The following ZFPM2 variants were observed in gnomAD, a reference collection of about 807,000 sequenced individuals.
ZFPM2 encodes the protein zinc finger protein, FOG family member 2.
ZFPM2 carries 20 observed loss-of-function variants against 98.6 expected under a neutral mutation model. The ratio of observed to expected loss-of-function variants is 0.20; its 90% CI spans 0.14 to 0.29. ZFPM2 has a LOEUF of 0.29. Ranked by LOEUF, ZFPM2 falls within the 10% of genes least tolerant of loss-of-function variation. ZFPM2 has a pLI of 1.00. For synonymous variants in ZFPM2, 518 were observed against 502.7 expected (o/e 1.03, Z -0.41); for missense variants, 1,310 against 1,388.6 (o/e 0.94, Z 0.90).
intron 4 of ZFPM2, among the ~76,000 whole-genome samples, chr8:105,582,995 G>A (rs1815636245): frequency 6.6e-6 from 1 of 152,122 alleles, no homozygotes; most frequent in Non-Finnish European, 1.5e-5. Flanking sequence ...TGGTTAATTT[G>A]TTATTAAGAA....
intron 5 of ZFPM2, among the ~76,000 whole-genome samples, chr8:105,736,061 C>T (rs548271419): frequency 8.0e-4 from 122 of 151,854 alleles, no homozygotes; most frequent in African/African-American, 2.7e-3. Flanking sequence ...CTTTTTATTG[C>T]GATAGTATTA....
chr8:105,590,349 G>A (rs1474767139), intron 4 of ZFPM2, among the ~76,000 whole-genome samples: 2 of 152,148 alleles, frequency 1.3e-5, no homozygotes, highest in African/African-American at 4.8e-5. Context: ...GACCTGTGGA[G>A]GATAATAACC....
At chr8:105,678,613 A>C (rs111333028) in intron 5 of ZFPM2, 1 of 152,316 alleles carries the variant, frequency 6.6e-6, no homozygotes, top group African/African-American at 2.4e-5. Context: ...GCTGCTGTGT[A>C]CTAAGTCTGA....
intron 2 of ZFPM2, among the ~76,000 whole-genome samples, chr8:105,435,515 C>G (rs575454499): frequency 6.6e-6 from 1 of 152,070 alleles, no homozygotes; most frequent in African/African-American, 2.4e-5. Flanking sequence ...CATCTTTTTT[C>G]TGTCTTCCTT....
intron 1 of ZFPM2, among the ~76,000 whole-genome samples, chr8:105,412,207 G>C (rs1217106013): frequency 6.6e-6 from 1 of 151,644 alleles, no homozygotes; most frequent in East Asian, 1.9e-4. Flanking sequence ...AATAAGACCT[G>C]ACCCCTTCCC....
intron 5 of ZFPM2, among the ~76,000 whole-genome samples, chr8:105,758,999 A>G (rs1352096611): frequency 6.6e-6 from 1 of 152,032 alleles, no homozygotes; most frequent in Admixed American, 6.6e-5. Flanking sequence ...GGCTAGTTGG[A>G]GTTTAGGTAG....
intron 3 of ZFPM2, among the ~76,000 whole-genome samples, chr8:105,466,102 G>T (rs534407573): frequency 1.8e-4 from 27 of 152,000 alleles, no homozygotes; most frequent in African/African-American, 6.3e-4. Context: ...TAACTTCGTG[G>T]CTTTTCTTAG....
chr8:105,698,329 C>A (rs1373252578), intron 5 of ZFPM2, among the ~76,000 whole-genome samples: 1 of 152,154 alleles, frequency 6.6e-6, no homozygotes, highest in African/African-American at 2.4e-5. Flanking sequence ...GAAGGGGTAT[C>A]ATCCATGGTG....
chr8:105,539,523 G>T lies in ZFPM2; in HGVS notation c.302-21840G>T, dbSNP rs78079832. 5.3e-3 allele frequency among the ~76,000 whole-genome samples: 804 copies of T among 152,260 alleles called. 12 individuals are homozygous for T. The highest frequency in any genetic ancestry group is 0.019 in the African/African-American group (775 of 41,554). ...CAGTGCCTACACATCTTGGAAAAAAGTAATGCTTTGCCTGAGACGTATTTA... is the reference window on the plus strand; with the variant it reads ...CAGTGCCTACACATCTTGGAAAAAATTAATGCTTTGCCTGAGACGTATTTA... On this transcript the variant is annotated intron_variant, in intron 3 of 7. Transcript: ENST00000407775.
At chr8:105,715,533 C>A (rs1447846535) in intron 5 of ZFPM2, among the ~76,000 whole-genome samples, 2 of 151,446 alleles carry the variant, frequency 1.3e-5, no homozygotes, top group Non-Finnish European at 2.9e-5. Flanking sequence ...AAATTATGTG[C>A]TACATATAAT....
chr8:105,459,915 A>G (rs6984505), intron 3 of ZFPM2, among the ~76,000 whole-genome samples: 2,937 of 152,244 alleles, frequency 0.019, 97 homozygotes, highest in African/African-American at 0.065. Context: ...GAAAAAGACA[A>G]CAAGGGAAGA....
At chr8:105,598,236 C>T (rs75755985) in intron 4 of ZFPM2, among the ~76,000 whole-genome samples, 83 of 152,098 alleles carry the variant, frequency 5.5e-4, no homozygotes, top group African/African-American at 2.0e-3. Flanking sequence ...TGGGAAGGAC[C>T]GCCTTTGGGA....
intron 5 of ZFPM2, among the ~76,000 whole-genome samples, chr8:105,735,321 C>A (rs1438554887): frequency 2.0e-5 from 3 of 151,318 alleles, no homozygotes; most frequent in Non-Finnish European, 3.0e-5. Flanking sequence ...GGACCTAATT[C>A]TCTAGAGGGT....
chr8:105,767,425 C>CA (rs749121470), intron 5 of ZFPM2, among the ~76,000 whole-genome samples: 12 of 151,980 alleles, frequency 7.9e-5, no homozygotes, highest in Non-Finnish European at 1.6e-4. Flanking sequence ...GATTAAAATA[C>CA]AATCTATAAT....
chr8:105,455,726 C>G (rs1812575921), intron 3 of ZFPM2, among the ~76,000 whole-genome samples: 2 of 152,206 alleles, frequency 1.3e-5, no homozygotes, highest in South Asian at 2.1e-4. Flanking sequence ...TTATATGTGG[C>G]TTTCTCTATG....
intron 3 of ZFPM2, among the ~76,000 whole-genome samples, chr8:105,543,303 C>T (rs1330344512): frequency 3.3e-5 from 5 of 152,022 alleles, no homozygotes; most frequent in East Asian, 3.9e-4. Flanking sequence ...CTGGGCAACA[C>T]GGTGAAACTC....
intron 3 of ZFPM2, among the ~76,000 whole-genome samples, chr8:105,560,338 C>T (rs1179555672): frequency 2.0e-5 from 3 of 151,140 alleles, no homozygotes; most frequent in African/African-American, 7.3e-5. Context: ...CTGTTTCATT[C>T]CTTCATATTC....
chr8:105,520,392 A>T (rs11779583), intron 3 of ZFPM2, among the ~76,000 whole-genome samples: 8,752 of 152,230 alleles, frequency 0.057, 283 homozygotes, highest in East Asian at 0.15. Flanking sequence ...TTACTTACTA[A>T]TATCAACGGG....
chr8:105,438,433 A>G (rs185734171), intron 2 of ZFPM2, among the ~76,000 whole-genome samples: 17 of 152,334 alleles, frequency 1.1e-4, no homozygotes, highest in African/African-American at 4.1e-4. Flanking sequence ...TGTTTAACAG[A>G]GGTGAACATT....
Sources: gnomAD v4.1 joint callset for allele counts (sites outside exome capture counted in the v4.1 genomes callset) on GRCh38, gnomAD v4.1.1 for gene constraint, MANE v1.5 for transcripts, NCBI Gene and HGNC (gene_info 2026-07-23, HGNC 2026-07-21) for gene names.